The following BCL2 variants were observed in gnomAD, a reference collection of about 807,000 sequenced individuals.
BCL2 encodes the protein apoptosis regulator Bcl-2.
In BCL2, 1 loss-of-function variant was observed where a neutral mutation model predicts 14.2. The ratio of observed to expected loss-of-function variants is 0.07; its 90% CI spans 0.02 to 0.33. The LOEUF is 0.33. Among genes scored for constraint, BCL2 ranks in the 10% least tolerant of loss-of-function variants. The probability of loss-of-function intolerance (pLI) is 0.99; values close to 1 mark genes in which losing one functional copy is unlikely to be tolerated. For missense variants in BCL2, 247 were observed against 305.9 expected, an observed-to-expected ratio of 0.81 and a Z score of 1.44; for synonymous variants, 151 against 137.2, an observed-to-expected ratio of 1.10 and a Z score of -0.70.
intron 2 of BCL2, among the ~76,000 whole-genome samples, chr18:63,238,517 T>G (rs1244304495): frequency 6.6e-6 from 1 of 152,238 alleles, no homozygotes; most frequent in African/African-American, 2.4e-5. Context: ...TGTTTGCTGG[T>G]TATTGCCACA....
chr18:63,208,472 A>G (rs1409828322), intron 2 of BCL2, among the ~76,000 whole-genome samples: 1 of 152,208 alleles, frequency 6.6e-6, no homozygotes, highest in Non-Finnish European at 1.5e-5. Flanking sequence ...TTGTGCTAAA[A>G]CAGGCACCAC....
In BCL2 at chr18:63,295,366, GGCCAAT is replaced by G. The variant is rs536537371; in HGVS notation, c.585+22710_585+22715del. Reference sequence around the variant, plus strand: ...TGTCAAGGGCCAAGTGAATGGTCCAGGCCAATGATCTCATTTGCCATAGACCTCAGT... The same window carrying G: ...TGTCAAGGGCCAAGTGAATGGTCCAGGATCTCATTTGCCATAGACCTCAGT... On this transcript the variant is annotated intron_variant, in intron 2 of 2. Coordinates refer to ENST00000333681, the MANE Select transcript of BCL2 (RefSeq NM_000633.3). Among the ~76,000 whole-genome samples the G allele has an allele frequency of 3.3e-5, 5 of 152,198 alleles. No individual in the cohort carries two copies. The South Asian group carries it at 1.0e-3, about 32-fold the overall frequency.
rs1431524409 is a variant in BCL2 at position 63,249,554 on chromosome 18, A to G, written c.585+68528T>C. On this transcript the variant is annotated intron_variant, in intron 2 of 2. Transcript: ENST00000333681. The stretch of plus-strand genomic sequence containing the variant: ...AAACCCAGTCTCTACTAAAAATGCC[A>G]AAAAAATTAGCTGGGCATGGTGGTG... 5.9e-5 allele frequency among the ~76,000 whole-genome samples: 9 copies of G among 152,084 alleles called. No homozygotes were observed. The East Asian group carries it at 1.7e-3, about 29-fold the overall frequency.
chr18:63,231,453 T>C (rs1910685543), intron 2 of BCL2, among the ~76,000 whole-genome samples: 2 of 152,050 alleles, frequency 1.3e-5, no homozygotes. Context: ...TCTACATAGA[T>C]AATCCATGAG....
chr18:63,286,683 G>C (rs1327982134), intron 2 of BCL2, among the ~76,000 whole-genome samples: 1 of 152,168 alleles, frequency 6.6e-6, no homozygotes, highest in East Asian at 1.9e-4. Flanking sequence ...GGGGAGGTAG[G>C]AGGATTTGGT....
chr18:63,232,667 TAAG>T (rs919968983), intron 2 of BCL2, among the ~76,000 whole-genome samples: 5 of 152,204 alleles, frequency 3.3e-5, no homozygotes, highest in African/African-American at 1.2e-4. Flanking sequence ...TGCAGAATAA[TAAG>T]AATTGTACAC....
intron 2 of BCL2, among the ~76,000 whole-genome samples, chr18:63,199,211 CACA>C (rs1430308150): frequency 4.0e-5 from 6 of 150,216 alleles, no homozygotes; most frequent in South Asian, 2.1e-4. Context: ...CACAGACACA[CACA>C]ACACACACAC....
intron 2 of BCL2, among the ~76,000 whole-genome samples, chr18:63,168,234 G>A (rs747886378): frequency 2.0e-5 from 3 of 152,020 alleles, no homozygotes; most frequent in Non-Finnish European, 4.4e-5. Context: ...GACAAAGGAG[G>A]TTTAGAATTC....
intron 2 of BCL2, among the ~76,000 whole-genome samples, chr18:63,231,711 A>C (rs1910692799): frequency 6.6e-6 from 1 of 152,134 alleles, no homozygotes; most frequent in African/African-American, 2.4e-5. Flanking sequence ...ATAAACAGAG[A>C]TATATCTCAT....
intron 2 of BCL2, among the ~76,000 whole-genome samples, chr18:63,297,145 G>A (rs1172606735): frequency 1.3e-5 from 2 of 152,068 alleles, no homozygotes; most frequent in South Asian, 2.1e-4. Flanking sequence ...CCCTGGAGGC[G>A]GAGGTTGCAG....
chr18:63,205,772 G>A lies in BCL2; in HGVS notation c.586-77013C>T, dbSNP rs1053900590. ...TACTGTGGTTGGAATAAGCAGCCCC[G>A]CTCCCACCCCCTGCTTGCAAAGCAA... On this transcript the variant is annotated intron_variant, in intron 2 of 2. Transcript: ENST00000333681. Among the ~76,000 whole-genome samples, 5 of 152,072 alleles carry A rather than the reference G, an allele frequency of 3.3e-5. No homozygotes were observed. In the South Asian group the frequency reaches 6.2e-4, roughly 19 times the overall value.
rs1247321591 is a variant in BCL2, at chr18:63,318,481, G to A, written c.186C>T (p.Ser62=). Residue 62 remains serine (S), a synonymous_variant, in exon 2 of 3, where the codon TCC becomes TCT. Coordinates refer to ENST00000333681, the MANE Select transcript of BCL2 (RefSeq NM_000633.3). The surrounding 1 kb of genome is among the most constrained non-coding windows in gnomAD (Gnocchi z 7.4). ...GCGAGGTCCTGGCGACCGGGTCCCG[G>A]GATGCGGCTGGATGGGGCGTGTGCC... ...QPGHTPHPAA[S]RDPVARTSPL... 2 of 1,486,920 alleles carry A rather than the reference G, an allele frequency of 1.3e-6. No individual in the cohort carries two copies. Among genetic ancestry groups the A allele is most frequent in the Admixed American group, 2.5e-5 (1 of 40,382 alleles). The allele number at this position is 1,486,920 out of a possible 1,614,324, so 92.1% of individuals were successfully genotyped here.
chr18:63,184,641 C>G (rs1253596031), intron 2 of BCL2, among the ~76,000 whole-genome samples: 4 of 152,226 alleles, frequency 2.6e-5, no homozygotes, highest in African/African-American at 9.7e-5. Flanking sequence ...TGCTGTAATA[C>G]AGACTGTAGC....
At chr18:63,152,003 G>A (rs2144609134) in intron 2 of BCL2, among the ~76,000 whole-genome samples, 1 of 152,258 alleles carries the variant, frequency 6.6e-6, no homozygotes, top group East Asian at 1.9e-4. Context: ...TATAGCAGTT[G>A]GCAGGACAGT....
At position 63,295,652 on chromosome 18, in the gene BCL2, C is replaced by T. The variant is rs370439169; in HGVS notation, c.585+22430G>A. 2.8e-4 allele frequency among the ~76,000 whole-genome samples: 42 copies of T among 152,178 alleles called. No homozygotes were observed. The South Asian group carries it at 8.3e-3, about 30-fold the overall frequency. ...GAAGAATACAACCCAAGGCCCGTTG[C>T]CCTAAATGTCCTCAACAACTACACA... On this transcript the variant is annotated intron_variant, in intron 2 of 2. Coordinates refer to ENST00000333681, the MANE Select transcript of BCL2 (RefSeq NM_000633.3).
chr18:63,134,018 A>C (rs2144590207), intron 2 of BCL2, among the ~76,000 whole-genome samples: 1 of 152,352 alleles, frequency 6.6e-6, no homozygotes, highest in Non-Finnish European at 1.5e-5. Context: ...AAGCAGGACA[A>C]AACGGTCAGC....
chr18:63,125,947 C>T lies in BCL2; in HGVS notation c.*2678G>A, dbSNP rs1913900086. 1 of 212,220 alleles carries T rather than the reference C, an allele frequency of 4.7e-6. No homozygotes were observed. The highest frequency in any genetic ancestry group is 1.9e-4 in the South Asian group (1 of 5,342). The allele number at this position is 212,220 out of a possible 1,614,324, so 13.1% of individuals were successfully genotyped here. A position where few individuals can be genotyped will look rare whatever the true frequency, so the allele number is the denominator to read the frequency against. The stretch of plus-strand genomic sequence containing the variant: ...ACATTTTTCAAATACTCTGTGAATC[C>T]CGTTTGAACAACAACAAAAGACAAA... On this transcript the variant is annotated 3_prime_UTR_variant, in exon 3 of 3. Coordinates refer to ENST00000333681, the MANE Select transcript of BCL2 (RefSeq NM_000633.3).
intron 2 of BCL2, among the ~76,000 whole-genome samples, chr18:63,184,702 G>C (rs1033773318): frequency 1.3e-5 from 2 of 152,236 alleles, no homozygotes; most frequent in Admixed American, 6.5e-5. Context: ...ATATTTGAAG[G>C]CTTCTGTAAA....
intron 2 of BCL2, among the ~76,000 whole-genome samples, chr18:63,167,115 C>T (rs1482951353): frequency 6.6e-6 from 1 of 152,172 alleles, no homozygotes; most frequent in Non-Finnish European, 1.5e-5. Context: ...TTTAAGAGGC[C>T]TCCTTTGGTG....
Sources: allele counts gnomAD v4.1 joint callset (sites outside exome capture counted in the v4.1 genomes callset), GRCh38; gene constraint gnomAD v4.1.1; non-coding constraint Gnocchi (gnomAD v3.1); transcripts MANE v1.5; gene names NCBI Gene and HGNC (gene_info 2026-07-23, HGNC 2026-07-21).